Variants in FBXW8 observed in about 807,000 individuals in gnomAD.
FBXW8 encodes the protein F-box/WD repeat-containing protein 8.
A neutral mutation model predicts 65.3 loss-of-function variants in FBXW8; 57 were observed. That is an observed-to-expected ratio of 0.87 (90% CI 0.71 to 1.09). The LOEUF is 1.09. FBXW8 is among the 50% of genes least tolerant of loss of function. The pLI is 0.00. For missense variants in FBXW8, 777 were observed against 814.8 expected, an observed-to-expected ratio of 0.95 and a Z score of 0.57; for synonymous variants, 308 against 330.2, an observed-to-expected ratio of 0.93 and a Z score of 0.73.
intron 9 of FBXW8, among the ~76,000 whole-genome samples, chr12:117,025,796 A>G (rs1055582822): frequency 6.6e-6 from 1 of 151,366 alleles, no homozygotes; most frequent in Non-Finnish European, 1.5e-5. Flanking sequence ...AAAACCCTGG[A>G]TCAGCCATCC....
intron 3 of FBXW8, among the ~76,000 whole-genome samples, chr12:116,948,182 G>C (rs894123740): frequency 6.6e-6 from 1 of 152,214 alleles, no homozygotes; most frequent in Non-Finnish European, 1.5e-5. Context: ...TAAACTAATT[G>C]TGGTGGCCAT....
In FBXW8 at chr12:116,988,856, A is replaced by T. The variant is rs1379884273; in HGVS notation, c.1226A>T (p.Tyr409Phe). Residue 409 changes from tyrosine (Y) to phenylalanine (F), a missense_variant, in exon 7 of 11, where the codon TAC (tyrosine) becomes TTC (phenylalanine). Tyr to Phe is a conservative substitution (Grantham distance 22). Coordinates refer to ENST00000652555, the MANE Select transcript of FBXW8 (RefSeq NM_153348.3). ...AFGVQGLGWV[Y>F]EGSKILVYSL... ...GGTGTACAGGGTCTGGGATGGGTGT[A>T]CGAAGGAAGCAAGGTACACAACTAG... is the stretch of plus-strand genomic sequence containing the variant. 1 of 1,614,088 alleles carries T rather than the reference A, an allele frequency of 6.2e-7. No individual in the cohort carries two copies. Among genetic ancestry groups the T allele is most frequent in the South Asian group, 1.1e-5 (1 of 91,076 alleles).
At chr12:116,989,012 C>T (rs1022252809) in intron 7 of FBXW8, 143 bp downstream of exon 7, 21 of 734,418 alleles carry the variant, frequency 2.9e-5, no homozygotes, top group Non-Finnish European at 3.5e-5. Context: ...TCAAGAACTT[C>T]AAAAGGATTG....
chr12:117,022,088 ACTTAGCCCT>A (rs1954112753), intron 8 of FBXW8, among the ~76,000 whole-genome samples: 1 of 152,194 alleles, frequency 6.6e-6, no homozygotes, highest in Non-Finnish European at 1.5e-5. Flanking sequence ...GGAACAGTTA[ACTTAGCCCT>A]GGAGGCAGCT....
intron 2 of FBXW8, among the ~76,000 whole-genome samples, chr12:116,935,948 A>C (rs144787572): frequency 6.6e-6 from 1 of 152,354 alleles, no homozygotes; most frequent in Admixed American, 6.5e-5. Flanking sequence ...AGAGCTGACT[A>C]TGTATGTGCG....
At chr12:116,920,125 TC>T (rs1366362867) in intron 1 of FBXW8, among the ~76,000 whole-genome samples, 1 of 152,206 alleles carries the variant, frequency 6.6e-6, no homozygotes, top group Admixed American at 6.5e-5. Context: ...TGTTAATTCT[TC>T]CGTGATTTCT....
At chr12:116,921,584 T>C (rs535156625) in intron 1 of FBXW8, among the ~76,000 whole-genome samples, 1 of 152,192 alleles carries the variant, frequency 6.6e-6, no homozygotes, top group Non-Finnish European at 1.5e-5. Context: ...GACCATTTCT[T>C]ATATACTTGC....
intron 7 of FBXW8, chr12:117,002,637 G>T (rs544692204): frequency 6.6e-6 from 1 of 152,210 alleles, no homozygotes; most frequent in Non-Finnish European, 1.5e-5. Flanking sequence ...CTTATCTCTG[G>T]CAAGGACTTA....
intron 6 of FBXW8, among the ~76,000 whole-genome samples, chr12:116,987,714 A>C (rs1885823403): frequency 6.6e-6 from 1 of 152,226 alleles, no homozygotes; most frequent in African/African-American, 2.4e-5. Context: ...CAAACAAAAA[A>C]CACAACAAAA....
At position 116,970,558 on chromosome 12, in the gene FBXW8, G is replaced by A. The variant is rs1478112894; in HGVS notation, c.835+5704G>A. ...CAGTAGGACCATGTTTTAGTTAGAC[G>A]GCTGTAGAGACTAGGTACTTCTAAA... On this transcript the variant is annotated intron_variant, in intron 5 of 10. Transcript: ENST00000652555. Among the ~76,000 whole-genome samples, 4 of 152,246 alleles carry A rather than the reference G, an allele frequency of 2.6e-5. No individual in the cohort carries two copies. The East Asian group carries it at 5.8e-4, about 22-fold the overall frequency.
chr12:116,919,176 CAT>C (rs1319722258), intron 1 of FBXW8, among the ~76,000 whole-genome samples: 1 of 152,210 alleles, frequency 6.6e-6, no homozygotes, highest in African/African-American at 2.4e-5. Flanking sequence ...GTTCATCCAA[CAT>C]ATATTCATTG....
At chr12:116,940,379 G>A (rs1356567930) in intron 2 of FBXW8, among the ~76,000 whole-genome samples, 8 of 150,406 alleles carry the variant, frequency 5.3e-5, no homozygotes, top group Non-Finnish European at 1.2e-4. Flanking sequence ...TTATCTGGGG[G>A]AGGCTAAAAT....
At chr12:116,942,216 A>G (rs935114213) in intron 2 of FBXW8, among the ~76,000 whole-genome samples, 3 of 148,582 alleles carry the variant, frequency 2.0e-5, no homozygotes, top group Admixed American at 6.7e-5. Context: ...TTTTGTAGAG[A>G]TGGGGTCTCA....
chr12:116,999,840 A>T (rs1288805728), intron 7 of FBXW8, among the ~76,000 whole-genome samples: 1 of 152,188 alleles, frequency 6.6e-6, no homozygotes, highest in East Asian at 1.9e-4. Context: ...TGGCACTAGC[A>T]TCCCCTCTTC....
intron 5 of FBXW8, among the ~76,000 whole-genome samples, chr12:116,972,780 T>C (rs187429831): frequency 2.0e-5 from 3 of 152,256 alleles, no homozygotes; most frequent in East Asian, 1.9e-4. Context: ...TAAATATAGA[T>C]AGAGAAGTAA....
chr12:116,941,830 T>C (rs1882587673), intron 2 of FBXW8, among the ~76,000 whole-genome samples: 1 of 152,180 alleles, frequency 6.6e-6, no homozygotes, highest in South Asian at 2.1e-4. Context: ...TTGAGTTATT[T>C]TCTTAGTTGT....
At chr12:116,935,994 A>G (rs1159336568) in intron 2 of FBXW8, among the ~76,000 whole-genome samples, 1 of 149,552 alleles carries the variant, frequency 6.7e-6, no homozygotes, top group Non-Finnish European at 1.5e-5. Flanking sequence ...AGCTGAGAAT[A>G]AAACATAAAA....
intron 4 of FBXW8, among the ~76,000 whole-genome samples, chr12:116,953,867 G>A (rs1883450414): frequency 6.6e-6 from 1 of 152,046 alleles, no homozygotes; most frequent in South Asian, 2.1e-4. Flanking sequence ...TGTAATCCCA[G>A]CACTTTGGGA....
intron 8 of FBXW8, among the ~76,000 whole-genome samples, chr12:117,010,749 CT>C (rs1324500292): frequency 6.6e-6 from 1 of 151,958 alleles, no homozygotes; most frequent in Non-Finnish European, 1.5e-5. Context: ...TTGTCCCCTG[CT>C]GCAAAATTTG....
Sources: gnomAD v4.1 joint callset for allele counts (sites outside exome capture counted in the v4.1 genomes callset) on GRCh38, gnomAD v4.1.1 for gene constraint, MANE v1.5 for transcripts, NCBI Gene and HGNC (gene_info 2026-07-23, HGNC 2026-07-21) for gene names.